TMPRSS15: variants seen among roughly 807,000 people sequenced by gnomAD.
TMPRSS15 encodes the protein transmembrane serine protease 15, also known as enteropeptidase.
Under a neutral mutation model 125.3 loss-of-function variants are expected in TMPRSS15, and 128 were observed. That is an observed-to-expected ratio of 1.02 (90% confidence interval 0.89 to 1.18). TMPRSS15 has a LOEUF of 1.18. Among genes scored for constraint, TMPRSS15 ranks in the 50% most tolerant of loss-of-function variants. The pLI, the probability that TMPRSS15 is intolerant of heterozygous loss-of-function variation, is 0.00. For missense variants in TMPRSS15, 1,283 were observed against 1,212.7 expected, an observed-to-expected ratio of 1.06 and a Z score of -0.86; for synonymous variants, 446 against 423.2, an observed-to-expected ratio of 1.05 and a Z score of -0.66.
chr21:18,309,078 A>G (rs1417058971), intron 18 of TMPRSS15, among the ~76,000 whole-genome samples: 3 of 152,092 alleles, frequency 2.0e-5, no homozygotes, highest in Non-Finnish European at 4.4e-5. Flanking sequence ...TTTATAGTAG[A>G]ATGATTTATA....
intron 1 of TMPRSS15, among the ~76,000 whole-genome samples, chr21:18,457,750 G>A (rs1170422485): frequency 1.3e-5 from 2 of 152,086 alleles, no homozygotes; most frequent in East Asian, 3.9e-4. Flanking sequence ...ACTTCTAGGG[G>A]ATATTTGTTG....
At chr21:18,402,527 C>CAAAAAAAAA (rs60612261) in intron 1 of TMPRSS15, among the ~76,000 whole-genome samples, 1 of 109,092 alleles carries the variant, frequency 9.2e-6, no homozygotes. Flanking sequence ...GACTCTATCT[C>CAAAAAAAAA]AAAAAAAAAA....
intron 18 of TMPRSS15, among the ~76,000 whole-genome samples, chr21:18,298,672 TA>T (rs1266408581): frequency 6.6e-6 from 1 of 152,220 alleles, no homozygotes; most frequent in Non-Finnish European, 1.5e-5. Context: ...AATCATCATA[TA>T]AAAATATGCC....
intron 15 of TMPRSS15, among the ~76,000 whole-genome samples, chr21:18,327,880 C>T (rs1042323758): frequency 3.3e-5 from 5 of 152,088 alleles, no homozygotes; most frequent in East Asian, 3.9e-4. Flanking sequence ...GGTGAAACCC[C>T]GTCTCTACTA....
rs200794988 is a variant in TMPRSS15 at position 18,280,524 on chromosome 21, C to T, written c.2668+516G>A. Reference sequence around the variant, plus strand: ...CTGGGAGGCAGAGGTTGCAGCGAGCCAAGACTGTGCCACTGCACTCCAGCC... The same window carrying T: ...CTGGGAGGCAGAGGTTGCAGCGAGCTAAGACTGTGCCACTGCACTCCAGCC... On this transcript the variant is annotated intron_variant, in intron 22 of 24. Transcript: ENST00000284885. Among the ~76,000 whole-genome samples the T allele has an allele frequency of 8.8e-5, 12 of 136,554 alleles. No homozygotes were observed. The East Asian group carries it at 2.6e-3, about 30-fold the overall frequency. The allele number at this position is 136,554 out of a possible 152,430, so 89.6% of individuals were successfully genotyped here. A position where few individuals can be genotyped will look rare whatever the true frequency, so the allele number is the denominator to read the frequency against.
chr21:18,404,922 A>AAT (rs993104377), upstream of TMPRSS15, among the ~76,000 whole-genome samples: 5 of 152,078 alleles, frequency 3.3e-5, no homozygotes, highest in South Asian at 6.2e-4. Context: ...ATATATATGA[A>AAT]ATATATATAT....
Position 18,315,366 on chromosome 21 carries a change from A to T in TMPRSS15, c.1922-110T>A, listed in dbSNP as rs575785466. 1.3e-4 allele frequency: 113 copies of T among 860,670 alleles called. No homozygotes were observed. The South Asian group carries it at 1.5e-3, about 11-fold the overall frequency. The allele number at this position is 860,670 out of a possible 1,614,324, so 53.3% of individuals were successfully genotyped here. ...AAACATGAGTCCTTTGCCACAGCTC[A>T]AGGTGGAACCAGCTTTGATACTGAG... On this transcript the variant is annotated intron_variant, in intron 16 of 24. Coordinates refer to ENST00000284885, the MANE Select transcript of TMPRSS15 (RefSeq NM_002772.3).
intron 16 of TMPRSS15, among the ~76,000 whole-genome samples, chr21:18,325,754 T>C (rs541832334): frequency 6.6e-6 from 1 of 152,026 alleles, no homozygotes; most frequent in East Asian, 1.9e-4. Flanking sequence ...ACAAAAAAAT[T>C]CTCTGCAGAT....
chr21:18,449,875 A>ATG (rs1432456749), intron 1 of TMPRSS15, among the ~76,000 whole-genome samples: 81 of 25,006 alleles, frequency 3.2e-3, no homozygotes, highest in Admixed American at 8.4e-3. Context: ...ACACACACAC[A>ATG]CGCACACACA....
At chr21:18,399,170 A>G (rs2076070795) in intron 1 of TMPRSS15, among the ~76,000 whole-genome samples, 1 of 152,074 alleles carries the variant, frequency 6.6e-6, no homozygotes, top group Admixed American at 6.5e-5. Flanking sequence ...CTGGTGCGAG[A>G]AGACGTAGTT....
At chr21:18,404,255 A>T (rs531398546), upstream of TMPRSS15, among the ~76,000 whole-genome samples, 1 of 152,376 alleles carries the variant, frequency 6.6e-6, no homozygotes, top group East Asian at 1.9e-4. Context: ...GAAGTTATGC[A>T]ATGTAAGGCA....
chr21:18,271,534 G>A (rs1285769771), intron 24 of TMPRSS15, among the ~76,000 whole-genome samples: 5 of 151,942 alleles, frequency 3.3e-5, no homozygotes, highest in Non-Finnish European at 7.4e-5. Context: ...ATTACTTCTT[G>A]TCATCTAACT....
chr21:18,404,911 T>A (rs1211328183), upstream of TMPRSS15, among the ~76,000 whole-genome samples: 1 of 152,038 alleles, frequency 6.6e-6, no homozygotes, highest in Non-Finnish European at 1.5e-5. Context: ...TTGACTTAAA[T>A]ATATATATGA....
At chr21:18,275,153 C>T in intron 24 of TMPRSS15, 44 bp downstream of exon 24, 1 of 1,605,936 alleles carries the variant, frequency 6.2e-7, no homozygotes, top group Non-Finnish European at 8.5e-7. Flanking sequence ...ACTATAACAC[C>T]AGTGCTTTCT....
intron 1 of TMPRSS15, among the ~76,000 whole-genome samples, chr21:18,481,004 A>C (rs1302382425): frequency 6.6e-6 from 1 of 151,818 alleles, no homozygotes; most frequent in Non-Finnish European, 1.5e-5. Context: ...AACTCAAACA[A>C]GTCTGAAATA....
At chr21:18,463,246 CAAAAAAAAAAAAAAAAA>C (rs57033426) in intron 1 of TMPRSS15, among the ~76,000 whole-genome samples, 3 of 11,516 alleles carry the variant, frequency 2.6e-4, no homozygotes, top group African/African-American at 7.2e-4. Context: ...AAATGGAAAG[CAAAAAAAAAAAAAAAAA>C]AAAAAAAAAA....
intron 1 of TMPRSS15, among the ~76,000 whole-genome samples, chr21:18,445,432 C>T (rs909407035): frequency 6.6e-6 from 1 of 152,088 alleles, no homozygotes; most frequent in East Asian, 1.9e-4. Context: ...CCACCCACCT[C>T]GGCCTCCCAA....
intron 1 of TMPRSS15, among the ~76,000 whole-genome samples, chr21:18,401,123 C>T (rs753230175): frequency 3.9e-5 from 6 of 152,042 alleles, no homozygotes; most frequent in Non-Finnish European, 5.9e-5. Context: ...ACTTATACAC[C>T]GTTGATAGAA....
rs766958931 is a variant in TMPRSS15, at chr21:18,315,195, G to A, written c.1983C>T (p.Leu661=). 1.2e-6 allele frequency: 2 copies of A among 1,613,764 alleles called. No individual in the cohort carries two copies. The highest frequency in any genetic ancestry group is 2.7e-5 in the African/African-American group (2 of 74,934). The change falls in exon 17 of 25, where the codon CTC becomes CTT. Residue 661 remains leucine (L), a synonymous_variant. Transcript: ENST00000284885. ...KNGECVPLVN[L]CDGHLHCEDG... is the part of the protein sequence containing the mutation. ...CCTCACAGTGCAGATGACCGTCACA[G>A]AGATTCACCAGTGGAACACACTCTC...
Sources: allele counts gnomAD v4.1 joint callset (sites outside exome capture counted in the v4.1 genomes callset), GRCh38; gene constraint gnomAD v4.1.1; transcripts MANE v1.5; gene names NCBI Gene and HGNC (gene_info 2026-07-23, HGNC 2026-07-21).